Variants in TMEM245 observed in about 807,000 individuals in gnomAD.
TMEM245 encodes the protein protein CG-2.
Under a neutral mutation model 101.2 loss-of-function variants are expected in TMEM245, and 69 were observed. The ratio of observed to expected loss-of-function variants is 0.68; its 90% confidence interval spans 0.56 to 0.83. The LOEUF is 0.83. TMEM245 is among the 40% of genes least tolerant of loss of function. TMEM245 has a pLI of 0.00. For missense variants in TMEM245, 1,075 were observed against 1,092.8 expected (o/e 0.98, Z 0.23); for synonymous variants, 537 against 449.8 (o/e 1.19, Z -2.45).
At chr9:109,068,702 T>G (rs945309563) in intron 9 of TMEM245, among the ~76,000 whole-genome samples, 1 of 152,096 alleles carries the variant, frequency 6.6e-6, no homozygotes, top group Admixed American at 6.5e-5. Context: ...AAGAACAAAC[T>G]TGATACCTAC....
chr9:109,022,467 T>TTATCTATCTATG (rs1827658393), intron 17 of TMEM245, among the ~76,000 whole-genome samples: 1 of 149,456 alleles, frequency 6.7e-6, no homozygotes, highest in Non-Finnish European at 1.5e-5. Context: ...TTTATATGCA[T>TTATCTATCTATG]TATCTATCTA....
chr9:109,020,025 A>C lies in TMEM245; in HGVS notation c.*435T>G, dbSNP rs1418963718. ...AAAGTGAAAGCCCTCTTCCTTGAAA[A>C]GTGACTGTCTTAGAAAAGTTTAACA... On this transcript the variant is annotated 3_prime_UTR_variant, in exon 18 of 18. Transcript: ENST00000374586. 6.5e-6 allele frequency: 1 copy of C among 154,138 alleles called. No homozygotes were observed. Among genetic ancestry groups the C allele is most frequent in the Non-Finnish European group, 1.4e-5 (1 of 69,484 alleles). 9.5% of individuals were successfully genotyped at this position (154,138 alleles called of 1,614,324 possible). A position where few individuals can be genotyped will look rare whatever the true frequency, so the allele number is the denominator to read the frequency against.
At chr9:109,061,589 TAG>T (rs1169348591) in intron 10 of TMEM245, among the ~76,000 whole-genome samples, 1 of 152,118 alleles carries the variant, frequency 6.6e-6, no homozygotes, top group African/African-American at 2.4e-5. Flanking sequence ...TTTTTTGAGA[TAG>T]AGTCTTGCTC....
intron 9 of TMEM245, among the ~76,000 whole-genome samples, chr9:109,069,320 G>A (rs11787869): frequency 0.27 from 41,391 of 151,938 alleles, 6,036 homozygotes; most frequent in Middle Eastern, 0.36. Flanking sequence ...CTGGATGTGA[G>A]GGCTGAGGCT....
intron 17 of TMEM245, among the ~76,000 whole-genome samples, chr9:109,025,802 G>C (rs1270233849): frequency 6.6e-6 from 1 of 152,218 alleles, no homozygotes; most frequent in African/African-American, 2.4e-5. Context: ...AACAGAGGAA[G>C]TGAAAGGTTC....
chr9:109,081,733 A>C (rs989924570), intron 7 of TMEM245, among the ~76,000 whole-genome samples: 1 of 152,222 alleles, frequency 6.6e-6, no homozygotes, highest in Non-Finnish European at 1.5e-5. Context: ...TTCTGAAAAC[A>C]TAAGCTTTAT....
intron 3 of TMEM245, among the ~76,000 whole-genome samples, chr9:109,095,570 T>A (rs1448743734): frequency 6.6e-6 from 1 of 152,164 alleles, no homozygotes; most frequent in Non-Finnish European, 1.5e-5. Context: ...ATGATGCAGA[T>A]CACAGAACAC....
rs573358148 is a variant in TMEM245, at chr9:109,034,338, T to C, written c.2400-837A>G. Among the ~76,000 whole-genome samples the C allele has an allele frequency of 8.5e-5, 13 of 152,318 alleles. No individual in the cohort carries two copies. In the South Asian group the frequency reaches 2.7e-3, roughly 32 times the overall value. The stretch of plus-strand genomic sequence containing the variant: ...GGAGAACCAGTCTTCAGGAAACCAA[T>C]AAATTATATTCATAATGTGTTTGTC... On this transcript the variant is annotated intron_variant, in intron 16 of 17. Transcript: ENST00000374586.
rs1827481099 is a variant in TMEM245, at chr9:109,017,404, C to A, written c.*3056G>T. 6.6e-6 allele frequency: 1 copy of A among 152,146 alleles called. No individual in the cohort carries two copies. Among genetic ancestry groups the A allele is most frequent in the South Asian group, 2.1e-4 (1 of 4,828 alleles). 9.4% of individuals were successfully genotyped at this position (152,146 alleles called of 1,614,324 possible). Reference sequence around the variant, plus strand: ...AACTAAGACCAGCATGTAAGGTGGTCTTACAGAGATCACTTGCAGGAACAG... The same window carrying A: ...AACTAAGACCAGCATGTAAGGTGGTATTACAGAGATCACTTGCAGGAACAG... On this transcript the variant is annotated 3_prime_UTR_variant, in exon 18 of 18. Transcript: ENST00000374586.
At chr9:109,087,865 T>C (rs1286801257) in intron 5 of TMEM245, among the ~76,000 whole-genome samples, 1 of 152,250 alleles carries the variant, frequency 6.6e-6, no homozygotes, top group African/African-American at 2.4e-5. Flanking sequence ...TTTCCCCATT[T>C]GATGCTGCTC....
chr9:109,043,474 C>T (rs1828379147), intron 14 of TMEM245, among the ~76,000 whole-genome samples: 2 of 152,292 alleles, frequency 1.3e-5, no homozygotes, highest in African/African-American at 2.4e-5. Context: ...GCTTCCTCCA[C>T]CTTTATGTCT....
At position 109,080,848 on chromosome 9, in the gene TMEM245, C is replaced by T. The variant is rs1483536043; in HGVS notation, c.1440G>A (p.Leu480=). The T allele has an allele frequency of 3.2e-6, 5 of 1,584,416 alleles. No individual in the cohort carries two copies. Among genetic ancestry groups the T allele is most frequent in the Non-Finnish European group, 4.3e-6 (5 of 1,155,086 alleles). Residue 480 remains leucine (L), a synonymous_variant, in exon 8 of 18, where the codon CTG becomes CTA. Transcript: ENST00000374586. ...VIGTLLLALL[L]TAKVHQESVH... ...AATCACTGTACTCTACCTTTGCAGT[C>T]AGGAGTAGGGCTAAAAGAAGAGTTC...
chr9:109,017,649 T>C lies in TMEM245; in HGVS notation c.*2811A>G, dbSNP rs1827489613. 1 of 152,238 alleles carries C rather than the reference T, an allele frequency of 6.6e-6. No homozygotes were observed. The highest frequency in any genetic ancestry group is 2.4e-5 in the African/African-American group (1 of 41,468). The allele number at this position is 152,238 out of a possible 1,614,324, so 9.4% of individuals were successfully genotyped here. A position where few individuals can be genotyped will look rare whatever the true frequency, so the allele number is the denominator to read the frequency against. On this transcript the variant is annotated 3_prime_UTR_variant, in exon 18 of 18. Coordinates refer to ENST00000374586, the MANE Select transcript of TMEM245 (RefSeq NM_032012.4). Reference sequence around the variant, plus strand: ...AATGCAAGATATTATGACCAAGTTCTGTACTCCGTTTTTACTGAAATGACT... The same window carrying C: ...AATGCAAGATATTATGACCAAGTTCCGTACTCCGTTTTTACTGAAATGACT...
chr9:109,104,776 T>C (rs141155643), intron 3 of TMEM245, among the ~76,000 whole-genome samples: 1 of 152,184 alleles, frequency 6.6e-6, no homozygotes, highest in Non-Finnish European at 1.5e-5. Context: ...GCCAAGGCCA[T>C]CTTCAACAGT....
At chr9:109,118,113 A>G (rs1830778743) in intron 1 of TMEM245, among the ~76,000 whole-genome samples, 1 of 152,258 alleles carries the variant, frequency 6.6e-6, no homozygotes, top group African/African-American at 2.4e-5. Flanking sequence ...ATAGGATTAT[A>G]TGTACCGTGA....
In TMEM245 at chr9:109,080,816, GAAT is replaced by G. The variant is rs1302051608; in HGVS notation, c.1449+20_1449+22del. ...CTAACAATTAAGGGTTTATTAATGA[GAAT>G]AATAATCACTGTACTCTACCTTTGC... On this transcript the variant is annotated intron_variant, in intron 8 of 17. Transcript: ENST00000374586. 2.2e-6 allele frequency: 3 copies of G among 1,370,244 alleles called. No homozygotes were observed. Among genetic ancestry groups the G allele is most frequent in the Non-Finnish European group, 3.1e-6 (3 of 970,922 alleles). The allele number at this position is 1,370,244 out of a possible 1,614,324, so 84.9% of individuals were successfully genotyped here. A position where few individuals can be genotyped will look rare whatever the true frequency, so the allele number is the denominator to read the frequency against.
intron 14 of TMEM245, among the ~76,000 whole-genome samples, chr9:109,049,323 C>T (rs1008396020): frequency 5.3e-5 from 8 of 152,178 alleles, no homozygotes; most frequent in African/African-American, 1.9e-4. Flanking sequence ...AGCAATCCTA[C>T]CACCTCAACC....
Position 109,092,204 on chromosome 9 carries a change from A to G in TMEM245, c.917-1049T>C, listed in dbSNP as rs72760353. The stretch of plus-strand genomic sequence containing the variant: ...TCCCTCCACTGAATTCCTGGCACAT[A>G]CAATAGTATCTCATATATAGGAGGT... On this transcript the variant is annotated intron_variant, in intron 4 of 17. Coordinates refer to ENST00000374586, the MANE Select transcript of TMEM245 (RefSeq NM_032012.4). Among the ~76,000 whole-genome samples the G allele has an allele frequency of 8.7e-3, 1,327 of 152,326 alleles. 16 individuals carry two copies. The highest frequency in any genetic ancestry group is 0.011 in the Non-Finnish European group (778 of 68,022).
chr9:109,116,765 T>A (rs1830734468), intron 1 of TMEM245, among the ~76,000 whole-genome samples: 1 of 151,748 alleles, frequency 6.6e-6, no homozygotes, highest in African/African-American at 2.4e-5. Context: ...TGGCCTCAAG[T>A]GATTCACCTG....
Sources: gnomAD v4.1 joint callset for allele counts (sites outside exome capture counted in the v4.1 genomes callset) on GRCh38, gnomAD v4.1.1 for gene constraint, MANE v1.5 for transcripts, NCBI Gene and HGNC (gene_info 2026-07-23, HGNC 2026-07-21) for gene names.